BRF1: variants seen among roughly 807,000 people sequenced by gnomAD.
BRF1 encodes BRF1 general transcription factor IIIB subunit, also known as transcription factor IIIB 90 kDa subunit.
In BRF1, 59 loss-of-function variants were observed where a neutral mutation model predicts 81.7. That is an observed-to-expected ratio of 0.72 (90% CI 0.59 to 0.90). BRF1 has a LOEUF of 0.90. BRF1 is among the 40% of genes least tolerant of loss of function. The pLI is 0.00. For missense variants in BRF1, 1,050 were observed against 936.3 expected (o/e 1.12, Z -1.58); for synonymous variants, 491 against 395.6 (o/e 1.24, Z -2.86).
intron 5 of BRF1, among the ~76,000 whole-genome samples, chr14:105,244,727 T>C (rs1238291169): frequency 1.3e-5 from 2 of 151,976 alleles, no homozygotes; most frequent in Admixed American, 1.3e-4. Flanking sequence ...CTCTGAAATT[T>C]GACAGACTGA....
In BRF1 at chr14:105,287,120, T is replaced by A. The variant is rs587714323; in HGVS notation, c.185-744A>T. ...GGCTGCAGCTGAACCTGCTGGACAC[T>A]CTACTCCGAAGCTCTGCCAACTGAC... On this transcript the variant is annotated intron_variant, in intron 1 of 17. Coordinates refer to ENST00000547530, the MANE Select transcript of BRF1 (RefSeq NM_001519.4). Among the ~76,000 whole-genome samples the A allele has an allele frequency of 2.1e-4, 32 of 152,320 alleles. No individual in the cohort carries two copies. The South Asian group carries it at 6.0e-3, about 29-fold the overall frequency.
Position 105,252,574 on chromosome 14 carries a change from A to AT in BRF1, c.476dup (p.Asn159LysfsTer83). 1 of 1,613,388 alleles carries AT rather than the reference A, an allele frequency of 6.2e-7. No individual in the cohort carries two copies. The highest frequency in any genetic ancestry group is 8.5e-7 in the Non-Finnish European group (1 of 1,179,834). On this transcript the variant is annotated frameshift_variant, in exon 5 of 18. Coordinates refer to ENST00000547530, the MANE Select transcript of BRF1 (RefSeq NM_001519.4). LOFTEE classifies it high-confidence loss of function. ...GAAACGTCTTTCCAAGCACGTACAC[A>AT]TTCACCTGAGATGGAGAGATCACAA...
intron 1 of BRF1, among the ~76,000 whole-genome samples, chr14:105,308,965 C>T (rs761264058): frequency 6.6e-6 from 1 of 151,732 alleles, no homozygotes; most frequent in Non-Finnish European, 1.5e-5. Flanking sequence ...CAGAGCAAGA[C>T]CCTGTCAAGA....
chr14:105,246,792 G>C (rs192850649), intron 5 of BRF1: 1 of 982,394 alleles, frequency 1.0e-6, no homozygotes, highest in African/African-American at 1.7e-5. Context: ...AAGTGCAAAG[G>C]GTGGTTTCTT....
chr14:105,210,627 G>T lies in BRF1; in HGVS notation c.1997-39C>A, dbSNP rs769968618. 2 of 1,607,866 alleles carry T rather than the reference G, an allele frequency of 1.2e-6. No individual in the cohort carries two copies. The highest frequency in any genetic ancestry group is 1.7e-6 in the Non-Finnish European group (2 of 1,179,090). ...CAGTCATGAAGCCCAGGGTCTCTGT[G>T]GGACCCAGGAGCCCAGACCCCCCAA... On this transcript the variant is annotated intron_variant, in intron 17 of 17. Transcript: ENST00000547530. The surrounding 1 kb of genome is among the most constrained non-coding windows in gnomAD (Gnocchi z 4.7).
At chr14:105,291,994 A>C (rs1465263928) in intron 1 of BRF1, among the ~76,000 whole-genome samples, 1 of 151,902 alleles carries the variant, frequency 6.6e-6, no homozygotes, top group African/African-American at 2.4e-5. Flanking sequence ...GAGACACTCC[A>C]TCTCAAAAAG....
chr14:105,300,138 G>A (rs982444123), intron 1 of BRF1, among the ~76,000 whole-genome samples: 1 of 152,270 alleles, frequency 6.6e-6, no homozygotes, highest in Non-Finnish European at 1.5e-5. Context: ...CAGGCACAGA[G>A]AGTGACAGTG....
chr14:105,221,318 G>A (rs140399938), intron 11 of BRF1, among the ~76,000 whole-genome samples: 20 of 152,332 alleles, frequency 1.3e-4, no homozygotes, highest in East Asian at 3.9e-4. Flanking sequence ...TTGGACAAGC[G>A]GATGAGGGGT....
chr14:105,273,254 A>G (rs1476370101), intron 2 of BRF1, among the ~76,000 whole-genome samples: 5 of 152,154 alleles, frequency 3.3e-5, no homozygotes, highest in African/African-American at 4.8e-5. Flanking sequence ...CCTGGGCTAC[A>G]GTGGGAATGC....
At chr14:105,249,217 G>C in intron 5 of BRF1, 1 of 1,587,350 alleles carries the variant, frequency 6.3e-7, no homozygotes, top group Non-Finnish European at 8.5e-7. Flanking sequence ...TGGGGCCCCC[G>C]GGGGCGACCA....
At chr14:105,214,469 C>G (rs963968836) in intron 15 of BRF1, among the ~76,000 whole-genome samples, 1 of 148,098 alleles carries the variant, frequency 6.8e-6, no homozygotes, top group African/African-American at 2.5e-5. Context: ...GCTGCCCACA[C>G]CCCTGCGTGG....
chr14:105,273,730 G>A (rs587713016), intron 2 of BRF1, among the ~76,000 whole-genome samples: 3 of 152,264 alleles, frequency 2.0e-5, no homozygotes, highest in East Asian at 1.9e-4. Flanking sequence ...AAAAGTCATC[G>A]CCATTCTCCA....
intron 15 of BRF1, among the ~76,000 whole-genome samples, chr14:105,215,863 C>T (rs1891135515): frequency 6.7e-6 from 1 of 150,190 alleles, no homozygotes; most frequent in Admixed American, 6.7e-5. Context: ...CACACACACA[C>T]ATGCACACAC....
chr14:105,251,766 G>A (rs587753217), intron 5 of BRF1, among the ~76,000 whole-genome samples: 31 of 152,090 alleles, frequency 2.0e-4, no homozygotes, highest in African/African-American at 7.2e-4. Flanking sequence ...CCAGTCATCT[G>A]CTTGGTAAAG....
rs763322543 is a variant in BRF1 at position 105,215,450 on chromosome 14, CTG to C, written c.1772+2092_1772+2093del. On this transcript the variant is annotated intron_variant, in intron 15 of 17. Coordinates refer to ENST00000547530, the MANE Select transcript of BRF1 (RefSeq NM_001519.4). The stretch of plus-strand genomic sequence containing the variant: ...GTGCAGTCACAGATACAGGCACACA[CTG>C]TGTGCAGACACCAGAACACATGCAC... 5.4e-4 allele frequency among the ~76,000 whole-genome samples: 82 copies of C among 152,224 alleles called. 1 individual carries two copies. The highest frequency in any genetic ancestry group is 9.8e-4 in the Admixed American group (15 of 15,296).
chr14:105,277,660 G>A (rs890713170), intron 2 of BRF1, among the ~76,000 whole-genome samples: 2 of 152,364 alleles, frequency 1.3e-5, no homozygotes, highest in East Asian at 3.9e-4. Flanking sequence ...ACACATTCCT[G>A]CTGTTTTGCC....
intron 5 of BRF1, among the ~76,000 whole-genome samples, chr14:105,251,619 C>T (rs1193277159): frequency 6.6e-6 from 1 of 152,160 alleles, no homozygotes; most frequent in African/African-American, 2.4e-5. Context: ...CAGCCGGTGC[C>T]CCTCTGCTGC....
chr14:105,241,523 C>T (rs1344013879), intron 5 of BRF1, 109 bp from the exon 6 acceptor site: 4 of 1,399,384 alleles, frequency 2.9e-6, no homozygotes, highest in Admixed American at 1.9e-5. Context: ...TTCCAGGCCC[C>T]CAGGCCCCCC....
In BRF1 at chr14:105,226,358, C is replaced by G. The variant is rs587663989; in HGVS notation, c.916-68G>C. 9 of 1,599,480 alleles carry G rather than the reference C, an allele frequency of 5.6e-6. No individual in the cohort carries two copies. The African/African-American group carries it at 1.2e-4, about 21-fold the overall frequency. ...GGTGCACAGCGCAGCCTCTGGGGTG[C>G]CGCGTGGGCCCCAGGGACCACAGGC... On this transcript the variant is annotated intron_variant, in intron 8 of 17. Transcript: ENST00000547530.
Sources: allele counts gnomAD v4.1 joint callset (sites outside exome capture counted in the v4.1 genomes callset), GRCh38; gene constraint gnomAD v4.1.1; non-coding constraint Gnocchi (gnomAD v3.1); transcripts MANE v1.5; gene names NCBI Gene and HGNC (gene_info 2026-07-23, HGNC 2026-07-21).